HPSE2: variants seen among roughly 807,000 people sequenced by gnomAD.
HPSE2 encodes the protein inactive heparanase-2.
A neutral mutation model predicts 60.5 loss-of-function variants in HPSE2; 38 were observed. The observed-to-expected ratio is 0.63, with a 90% CI of 0.48 to 0.82. HPSE2 has a LOEUF of 0.82. Among genes scored for constraint, HPSE2 ranks in the 40% least tolerant of loss-of-function variants. HPSE2 has a pLI of 0.00. For missense variants in HPSE2, 713 were observed against 740.4 expected (o/e 0.96, Z 0.43); for synonymous variants, 295 against 293.2 (o/e 1.01, Z -0.06).
chr10:99,167,581 T>C (rs1847133072), intron 2 of HPSE2, among the ~76,000 whole-genome samples: 1 of 152,242 alleles, frequency 6.6e-6, no homozygotes, highest in South Asian at 2.1e-4. Flanking sequence ...CATTATTTTG[T>C]GGGTCTATTT....
chr10:98,819,603 C>T (rs546271582), intron 3 of HPSE2, among the ~76,000 whole-genome samples: 1 of 152,212 alleles, frequency 6.6e-6, no homozygotes, highest in African/African-American at 2.4e-5. Flanking sequence ...CTCTTGCCTA[C>T]TTTTGTCTTT....
rs72836755 is a variant in HPSE2 at position 98,914,758 on chromosome 10, C to T, written c.611-170702G>A. 6.4e-3 allele frequency among the ~76,000 whole-genome samples: 970 copies of T among 151,460 alleles called. 6 individuals carry two copies. The highest frequency in any genetic ancestry group is 0.026 in the South Asian group (123 of 4,724). On this transcript the variant is annotated intron_variant, in intron 3 of 11. Transcript: ENST00000370552. ...CTATGAAAAACCACCCTAGTATAAG[C>T]TGATAAATCTGAACCATGGCAGCAT...
chr10:99,111,655 A>G (rs1234380724), intron 3 of HPSE2, among the ~76,000 whole-genome samples: 1 of 152,202 alleles, frequency 6.6e-6, no homozygotes, highest in African/African-American at 2.4e-5. Context: ...TTACCTATAA[A>G]CCAGTTTGTT....
intron 7 of HPSE2, among the ~76,000 whole-genome samples, chr10:98,626,862 C>T (rs1031356115): frequency 2.0e-5 from 3 of 152,234 alleles, no homozygotes; most frequent in South Asian, 2.1e-4. Context: ...CAAGCTCCCC[C>T]TCCTGGGTTC....
intron 2 of HPSE2, among the ~76,000 whole-genome samples, chr10:99,216,641 T>G (rs1048932738): frequency 1.3e-5 from 2 of 152,238 alleles, no homozygotes; most frequent in African/African-American, 4.8e-5. Flanking sequence ...ATTTCTACTA[T>G]ATCATTATCT....
intron 2 of HPSE2, among the ~76,000 whole-genome samples, chr10:99,228,650 T>C (rs572860271): frequency 1.3e-5 from 2 of 152,318 alleles, no homozygotes; most frequent in East Asian, 3.9e-4. Flanking sequence ...TTTTACTTCT[T>C]CCATCATCAC....
chr10:98,714,247 A>C (rs11189767), intron 5 of HPSE2, among the ~76,000 whole-genome samples: 18,361 of 151,826 alleles, frequency 0.12, 2,380 homozygotes, highest in African/African-American at 0.32. Flanking sequence ...CACTCAGAGA[A>C]GTGTTCAATT....
the HPSE2 span, among the ~76,000 whole-genome samples, chr10:99,284,904 C>T: frequency 6.6e-6 from 1 of 152,086 alleles, no homozygotes; most frequent in Non-Finnish European, 1.5e-5. Flanking sequence ...TATTAAAGCA[C>T]ACTGTCAAGA....
intron 9 of HPSE2, among the ~76,000 whole-genome samples, chr10:98,570,034 A>G (rs971205425): frequency 1.3e-5 from 2 of 152,190 alleles, no homozygotes; most frequent in African/African-American, 4.8e-5. Context: ...GCTGTTTTGT[A>G]TCTCACTGGC....
chr10:98,532,893 G>C (rs1456926777), intron 9 of HPSE2, among the ~76,000 whole-genome samples: 1 of 152,154 alleles, frequency 6.6e-6, no homozygotes, highest in African/African-American at 2.4e-5. Context: ...TGGCCTTACT[G>C]ATTTTCAGGG....
intron 9 of HPSE2, among the ~76,000 whole-genome samples, chr10:98,557,753 A>G (rs1244639863): frequency 1.3e-5 from 2 of 152,234 alleles, no homozygotes; most frequent in Non-Finnish European, 2.9e-5. Flanking sequence ...GATCGAGACC[A>G]GCCTGGCCAA....
chr10:98,950,844 G>A (rs1955335445), intron 3 of HPSE2, among the ~76,000 whole-genome samples: 1 of 152,098 alleles, frequency 6.6e-6, no homozygotes. Context: ...ACCATATAAT[G>A]CCATTGTGAT....
intron 3 of HPSE2, among the ~76,000 whole-genome samples, chr10:99,109,464 G>C (rs930459107): frequency 6.6e-6 from 1 of 152,114 alleles, no homozygotes; most frequent in African/African-American, 2.4e-5. Flanking sequence ...AAACAAAAGA[G>C]TCATTCCCAA....
intron 3 of HPSE2, among the ~76,000 whole-genome samples, chr10:99,105,736 T>G (rs926743516): frequency 3.0e-4 from 46 of 152,248 alleles, no homozygotes; most frequent in African/African-American, 1.1e-3. Flanking sequence ...TCTTTTATTG[T>G]AGAAGATTTA....
At chr10:98,709,895 TC>T (rs79641723) in intron 5 of HPSE2, among the ~76,000 whole-genome samples, 18,601 of 152,118 alleles carry the variant, frequency 0.12, 2,452 homozygotes, top group African/African-American at 0.33. Context: ...TGAATTTTGC[TC>T]CCAGGAAAGG....
chr10:98,998,002 T>C (rs990761492), intron 3 of HPSE2, among the ~76,000 whole-genome samples: 3 of 152,232 alleles, frequency 2.0e-5, no homozygotes, highest in African/African-American at 7.2e-5. Flanking sequence ...AGTGACCTTT[T>C]CCTTCCATTG....
intron 3 of HPSE2, among the ~76,000 whole-genome samples, chr10:98,988,644 T>C (rs1287325312): frequency 1.4e-5 from 2 of 146,430 alleles, no homozygotes; most frequent in Non-Finnish European, 3.0e-5. Flanking sequence ...AATTGACAAA[T>C]GGGATCTAAT....
intron 5 of HPSE2, among the ~76,000 whole-genome samples, chr10:98,721,240 A>T (rs1269786096): frequency 2.0e-5 from 3 of 151,614 alleles, no homozygotes; most frequent in African/African-American, 7.3e-5. Context: ...CAGTATTTGT[A>T]GTGTTTTGCA....
At chr10:98,788,750 C>A (rs1343657366) in intron 3 of HPSE2, among the ~76,000 whole-genome samples, 9 of 151,660 alleles carry the variant, frequency 5.9e-5, no homozygotes, top group African/African-American at 2.2e-4. Flanking sequence ...GGAAAGGGAA[C>A]TCCCTGACCC....
Sources: allele counts gnomAD v4.1 joint callset (sites outside exome capture counted in the v4.1 genomes callset), GRCh38; gene constraint gnomAD v4.1.1; transcripts MANE v1.5; gene names NCBI Gene and HGNC (gene_info 2026-07-23, HGNC 2026-07-21).